The following PDE2A variants were observed in gnomAD, a reference collection of about 807,000 sequenced individuals.
PDE2A encodes cGMP-dependent 3',5'-cyclic phosphodiesterase.
PDE2A carries 53 observed loss-of-function variants against 133.6 expected under a neutral mutation model. That is an observed-to-expected ratio of 0.40 (90% CI 0.32 to 0.50). PDE2A has a LOEUF of 0.50. PDE2A is among the 20% of genes least tolerant of loss of function. The pLI, the probability that PDE2A is intolerant of heterozygous loss-of-function variation, is 0.73. For synonymous variants in PDE2A, 491 were observed against 490.2 expected (o/e 1.00, Z -0.02); for missense variants, 796 against 1,232.4 (o/e 0.65, Z 5.30).
At chr11:72,594,576 A>T (rs1856388079) in intron 6 of PDE2A, among the ~76,000 whole-genome samples, 1 of 152,090 alleles carries the variant, frequency 6.6e-6, no homozygotes, top group Non-Finnish European at 1.5e-5. Context: ...GAGGAGGTGA[A>T]GGGACGGTTG....
chr11:72,630,993 A>G, intron 2 of PDE2A: 2 of 1,134,434 alleles, frequency 1.8e-6, no homozygotes, highest in Admixed American at 2.0e-5. Flanking sequence ...CGTCCTCCCA[A>G]GGGGGAGGGC....
intron 5 of PDE2A, 92 bp from the exon 6 acceptor site, chr11:72,596,740 G>T: frequency 1.4e-6 from 1 of 711,690 alleles, no homozygotes. Context: ...CAAAGATGCA[G>T]ACAAAGAGAG....
intron 1 of PDE2A, chr11:72,649,397 A>G (rs1480994043): frequency 6.6e-6 from 1 of 152,240 alleles, no homozygotes; most frequent in East Asian, 1.9e-4. Flanking sequence ...TGCCTCCCCC[A>G]TCAGACTGGG....
chr11:72,598,477 C>CCG (rs1332133308), intron 4 of PDE2A: 1 of 1,283,882 alleles, frequency 7.8e-7, no homozygotes, highest in Non-Finnish European at 1.0e-6. Context: ...CTCTACCCCC[C>CCG]AGCCTCTGGC....
intron 21 of PDE2A, 199 bp from the exon 22 acceptor site, chr11:72,582,146 C>T (rs1855752082): frequency 3.3e-6 from 2 of 612,672 alleles, no homozygotes; most frequent in Non-Finnish European, 5.8e-6. Context: ...ACTCTTGAAA[C>T]CAAGCCCACA....
chr11:72,630,104 C>A (rs576132996), intron 2 of PDE2A, among the ~76,000 whole-genome samples: 2 of 152,254 alleles, frequency 1.3e-5, no homozygotes, highest in East Asian at 1.9e-4. Flanking sequence ...CTATGAGGCA[C>A]CCCTCACAGG....
intron 1 of PDE2A, among the ~76,000 whole-genome samples, chr11:72,664,530 C>T (rs1416796070): frequency 1.3e-5 from 2 of 150,948 alleles, no homozygotes; most frequent in East Asian, 2.0e-4. Context: ...CCCCCCACCA[C>T]GCCCGGTTAA....
intron 2 of PDE2A, among the ~76,000 whole-genome samples, chr11:72,636,727 C>T (rs563329465): frequency 5.2e-4 from 79 of 152,244 alleles, no homozygotes; most frequent in African/African-American, 1.8e-3. Context: ...CACTCCGTCC[C>T]CTCCCCTCCA....
At position 72,663,980 on chromosome 11, in the gene PDE2A, G is replaced by GC. The variant is rs1335888539; in HGVS notation, c.71+10156dup. On this transcript the variant is annotated intron_variant, in intron 1 of 30. Transcript: ENST00000334456. ...TGGCAGCTTCATCCAGGGCTCCCTT[G>GC]CCCCCTGGCATCCAGAGAAATTCTG... is the stretch of plus-strand genomic sequence containing the variant. Among the ~76,000 whole-genome samples, 6 of 152,304 alleles carry GC rather than the reference G, an allele frequency of 3.9e-5. No homozygotes were observed. In the South Asian group the frequency reaches 1.2e-3, roughly 32 times the overall value.
rs1469247905 is a variant in PDE2A at position 72,581,338 on chromosome 11, G to A, written c.2045+19C>T. On this transcript the variant is annotated intron_variant, in intron 23 of 30. Coordinates refer to ENST00000334456, the MANE Select transcript of PDE2A (RefSeq NM_002599.5). ...GGACCCCAGTGGCTGCCAGATGTGG[G>A]GGAGATGCAGCCACTCACTCGAGGT... 1.2e-6 allele frequency: 2 copies of A among 1,612,204 alleles called. No homozygotes were observed. The highest frequency in any genetic ancestry group is 2.2e-5 in the East Asian group (1 of 44,854).
At chr11:72,614,413 T>C (rs1857361021) in intron 2 of PDE2A, among the ~76,000 whole-genome samples, 1 of 152,186 alleles carries the variant, frequency 6.6e-6, no homozygotes, top group Non-Finnish European at 1.5e-5. Context: ...GTCAGTGTCA[T>C]GCTTGAGTGA....
intron 1 of PDE2A, 124 bp downstream of exon 1, chr11:72,674,013 A>G (rs2135471296): frequency 1.1e-6 from 1 of 938,590 alleles, no homozygotes; most frequent in South Asian, 1.6e-5. Context: ...GTGCCCAGGA[A>G]CAGGATCGAT....
At chr11:72,636,001 T>G in intron 2 of PDE2A, 1 of 1,256,832 alleles carries the variant, frequency 8.0e-7, no homozygotes, top group Non-Finnish European at 1.0e-6. Flanking sequence ...GAAACTCCCA[T>G]GCCCTTCCTG....
In PDE2A at chr11:72,578,850, TGGGCA is replaced by T; in HGVS notation, c.2469+42_2469+46del. On this transcript the variant is annotated intron_variant, in intron 28 of 30. Coordinates refer to ENST00000334456, the MANE Select transcript of PDE2A (RefSeq NM_002599.5). This position sits in a 1 kb window ranked among gnomAD's most constrained non-coding sequence, Gnocchi z 4.2. ...TTCAGGCACAGGGGGCACCCAAAGC[TGGGCA>T]GGGTGGGCAGCCTGTGCCTTCCCAG... is the stretch of plus-strand genomic sequence containing the variant. 1 of 1,202,790 alleles carries T rather than the reference TGGGCA, an allele frequency of 8.3e-7. No homozygotes were observed. The allele number at this position is 1,202,790 out of a possible 1,614,324, so 74.5% of individuals were successfully genotyped here. A position where few individuals can be genotyped will look rare whatever the true frequency, so the allele number is the denominator to read the frequency against.
intron 2 of PDE2A, among the ~76,000 whole-genome samples, chr11:72,641,651 C>G (rs1274149302): frequency 6.6e-6 from 1 of 152,152 alleles, no homozygotes; most frequent in Non-Finnish European, 1.5e-5. Flanking sequence ...ATCTCCAACA[C>G]AGGAGGGAGG....
rs1270944450 is a variant in PDE2A, at chr11:72,578,768, G to A, written c.2469+129C>T. 3 of 684,398 alleles carry A rather than the reference G, an allele frequency of 4.4e-6. No homozygotes were observed. The highest frequency in any genetic ancestry group is 7.9e-6 in the Non-Finnish European group (3 of 379,012). 42.4% of individuals were successfully genotyped at this position (684,398 alleles called of 1,614,324 possible). On this transcript the variant is annotated intron_variant, in intron 28 of 30. Transcript: ENST00000334456. The surrounding 1 kb of genome is among the most constrained non-coding windows in gnomAD (Gnocchi z 4.2). ...AGTCTCCATTTGTCACCCTGAGATG[G>A]TCTAGGTTTCTGTCTCCCCAGAACA...
Position 72,583,421 on chromosome 11 carries a change from G to A in PDE2A, c.1728+17C>T. On this transcript the variant is annotated intron_variant, in intron 20 of 30. Coordinates refer to ENST00000334456, the MANE Select transcript of PDE2A (RefSeq NM_002599.5). ...GGGGAATCTGGGAGGAGGACCAGAG[G>A]TCTCTGCAAGCCTCACCTTCATGTG... 6.4e-7 allele frequency: 1 copy of A among 1,573,164 alleles called. No homozygotes were observed. The highest frequency in any genetic ancestry group is 8.7e-7 in the Non-Finnish European group (1 of 1,142,992).
At chr11:72,673,142 G>T (rs561577302) in intron 1 of PDE2A, among the ~76,000 whole-genome samples, 77 of 152,074 alleles carry the variant, frequency 5.1e-4, no homozygotes, top group African/African-American at 1.8e-3. Context: ...AAATGCACAT[G>T]GAACAGATAA....
At chr11:72,631,950 G>A (rs1401977370) in intron 2 of PDE2A, among the ~76,000 whole-genome samples, 2 of 151,800 alleles carry the variant, frequency 1.3e-5, no homozygotes, top group South Asian at 2.1e-4. Flanking sequence ...CTTCGTTCCC[G>A]TCAGCTGCTG....
Sources: allele counts gnomAD v4.1 joint callset (sites outside exome capture counted in the v4.1 genomes callset), GRCh38; gene constraint gnomAD v4.1.1; non-coding constraint Gnocchi (gnomAD v3.1); transcripts MANE v1.5; gene names NCBI Gene and HGNC (gene_info 2026-07-23, HGNC 2026-07-21).